The following ZBTB49 variants were observed in gnomAD, a reference collection of about 807,000 sequenced individuals.
The protein encoded by ZBTB49 is zinc finger and BTB domain-containing protein 49.
In ZBTB49, 43 loss-of-function variants were observed where a neutral mutation model predicts 57.5. That is an observed-to-expected ratio of 0.75 (90% CI 0.59 to 0.97). ZBTB49 has a LOEUF of 0.97. Among genes scored for constraint, ZBTB49 ranks in the 50% least tolerant of loss-of-function variants. ZBTB49 has a pLI of 0.00. For synonymous variants in ZBTB49, 369 were observed against 362.1 expected (o/e 1.02, Z -0.22); for missense variants, 938 against 947.7 (o/e 0.99, Z 0.13).
chr4:4,300,227 G>T, intron 2 of ZBTB49, 130 bp downstream of exon 2: 5 of 1,068,396 alleles, frequency 4.7e-6, no homozygotes, highest in Non-Finnish European at 2.6e-6. Flanking sequence ...GATTTTGTAG[G>T]AGTTGTTTTA....
At chr4:4,301,539 A>G (rs1440217308) in intron 2 of ZBTB49, among the ~76,000 whole-genome samples, 1 of 152,194 alleles carries the variant, frequency 6.6e-6, no homozygotes, top group African/African-American at 2.4e-5. Flanking sequence ...TTGTCAGACT[A>G]TGAAATAGTG....
chr4:4,301,969 GA>G lies in ZBTB49; in HGVS notation c.153-19del. 1 of 1,499,786 alleles carries G rather than the reference GA, an allele frequency of 6.7e-7. No homozygotes were observed. The highest frequency in any genetic ancestry group is 8.9e-7 in the Non-Finnish European group (1 of 1,125,782). The allele number at this position is 1,499,786 out of a possible 1,614,324, so 92.9% of individuals were successfully genotyped here. On this transcript the variant is annotated intron_variant, in intron 2 of 7. Coordinates refer to ENST00000337872, the MANE Select transcript of ZBTB49 (RefSeq NM_145291.4). ...GTGTGAATTTTTGGCACTGTAAACA[GA>G]TATTCTTTCTTTTACCAGGAGCCTC...
In ZBTB49 at chr4:4,302,258, C is replaced by T. The variant is rs778451759; in HGVS notation, c.422C>T (p.Thr141Ile). The T allele has an allele frequency of 6.2e-7, 1 of 1,614,226 alleles. No homozygotes were observed. Among genetic ancestry groups the T allele is most frequent in the South Asian group, 1.1e-5 (1 of 91,090 alleles). The change falls in exon 3 of 8, where the codon ACC becomes ATC. Residue 141 changes from threonine (T) to isoleucine (I), a missense_variant. Coordinates refer to ENST00000337872, the MANE Select transcript of ZBTB49 (RefSeq NM_145291.4). The part of the protein sequence containing the change: ...NSTLSLQSTL[T>I]PDATCVISEN... ...ACATTGTCTCTACAAAGCACCCTGA[C>T]CCCAGATGCCACTTGTGTTATCAGT...
intron 7 of ZBTB49, among the ~76,000 whole-genome samples, chr4:4,319,980 C>T (rs1721339847): frequency 6.6e-6 from 1 of 150,442 alleles, no homozygotes; most frequent in Non-Finnish European, 1.5e-5. Flanking sequence ...AGGAGAACCA[C>T]CTGAACCTCG....
At chr4:4,316,460 C>T (rs76372437) in intron 7 of ZBTB49, among the ~76,000 whole-genome samples, 3,222 of 152,214 alleles carry the variant, frequency 0.021, 56 homozygotes, top group Middle Eastern at 0.065. Context: ...CTGACTGCTC[C>T]GATGAGGACA....
chr4:4,320,575 G>T, intron 7 of ZBTB49, 65 bp from the exon 8 acceptor site: 2 of 1,586,334 alleles, frequency 1.3e-6, no homozygotes, highest in South Asian at 2.3e-5. Context: ...AGGAGTTCAC[G>T]ACCAGCCTGG....
Position 4,315,835 on chromosome 4 carries a change from G to C in ZBTB49, c.1486G>C (p.Glu496Gln). ...RGFSNFSNLK[E>Q]HKKTHTADKV... ...GTTTAGTAACTTCAGTAATTTGAAG[G>C]AGCACAAAAAGACACACACGGCTGA... Residue 496 changes from glutamate to glutamine, a missense_variant, in exon 7 of 8, where the codon GAG (glutamate) becomes CAG (glutamine). By Grantham distance (29) the Glu-to-Gln change is conservative (BLOSUM62 2). Around this residue, in one of 3 missense-constraint regions of ZBTB49, gnomAD observed 835 missense variants for 819.1 expected, o/e 1.02. Coordinates refer to ENST00000337872, the MANE Select transcript of ZBTB49 (RefSeq NM_145291.4). 6.2e-7 allele frequency: 1 copy of C among 1,614,198 alleles called. No individual in the cohort carries two copies. The highest frequency in any genetic ancestry group is 8.5e-7 in the Non-Finnish European group (1 of 1,180,042).
chr4:4,306,848 C>G (rs1434621253), intron 4 of ZBTB49, among the ~76,000 whole-genome samples: 4 of 152,222 alleles, frequency 2.6e-5, no homozygotes, highest in African/African-American at 9.6e-5. Context: ...AGAGGTAGAT[C>G]AGATGGAAGC....
At chr4:4,293,505 T>G (rs573831126) in intron 1 of ZBTB49, among the ~76,000 whole-genome samples, 4 of 152,364 alleles carry the variant, frequency 2.6e-5, no homozygotes, top group African/African-American at 9.6e-5. Context: ...ATTACTTACC[T>G]ATTTTTAGCT....
At chr4:4,312,130 GCTGGGTATATTAC>G (rs1440980066) in intron 4 of ZBTB49, among the ~76,000 whole-genome samples, 1 of 151,942 alleles carries the variant, frequency 6.6e-6, no homozygotes, top group Non-Finnish European at 1.5e-5. Flanking sequence ...CATTTTTACC[GCTGGGTATATTAC>G]CTCATTTCAG....
At position 4,313,121 on chromosome 4, in the gene ZBTB49, G is replaced by A; in HGVS notation, c.1376+7G>A. 3.1e-6 allele frequency: 5 copies of A among 1,614,094 alleles called. No individual in the cohort carries two copies. Among genetic ancestry groups the A allele is most frequent in the Non-Finnish European group, 4.2e-6 (5 of 1,180,004 alleles). On this transcript the variant is annotated splice_region_variant and intron_variant, in intron 5 of 7. Coordinates refer to ENST00000337872, the MANE Select transcript of ZBTB49 (RefSeq NM_145291.4). ...GCGAGATCTGTGGAAAGAGGTCAGT[G>A]CTGGGCGTGTTCTTCCGTGTGGAAG... is the stretch of plus-strand genomic sequence containing the variant.
intron 5 of ZBTB49, among the ~76,000 whole-genome samples, chr4:4,313,628 G>A (rs1338591491): frequency 6.6e-6 from 1 of 152,188 alleles, no homozygotes; most frequent in Admixed American, 6.5e-5. Context: ...AAGAGAATCT[G>A]ACTCTTGACG....
At chr4:4,311,412 T>C (rs1720975500) in intron 4 of ZBTB49, among the ~76,000 whole-genome samples, 1 of 152,192 alleles carries the variant, frequency 6.6e-6, no homozygotes, top group African/African-American at 2.4e-5. Flanking sequence ...AAAACACTGG[T>C]GTATTATTTT....
At chr4:4,291,000 A>G (rs1421316167) in intron 1 of ZBTB49, among the ~76,000 whole-genome samples, 1 of 152,176 alleles carries the variant, frequency 6.6e-6, no homozygotes, top group Non-Finnish European at 1.5e-5. Context: ...GGTGGTCACT[A>G]GGTGTTTGTT....
At position 4,305,328 on chromosome 4, in the gene ZBTB49, T is replaced by C. The variant is rs2980174; in HGVS notation, c.1256-810T>C. Among the ~76,000 whole-genome samples the C allele has an allele frequency of 3.5e-3, 532 of 152,280 alleles. 4 individuals carry two copies. Among genetic ancestry groups the C allele is most frequent in the African/African-American group, 0.012 (504 of 41,552 alleles). On this transcript the variant is annotated intron_variant, in intron 3 of 7. Coordinates refer to ENST00000337872, the MANE Select transcript of ZBTB49 (RefSeq NM_145291.4). ...GAAGGGAAAACATTATTGTTACTTT[T>C]TAAAGAAGATCTTAATGAAACCATT...
intron 4 of ZBTB49, among the ~76,000 whole-genome samples, chr4:4,309,528 A>G (rs1397213233): frequency 6.6e-6 from 1 of 152,228 alleles, no homozygotes; most frequent in Non-Finnish European, 1.5e-5. Context: ...GGAGAGGAGT[A>G]GGATTGCTTT....
At chr4:4,313,136 C>T (rs753069353) in intron 5 of ZBTB49, 22 bp downstream of exon 5, 2 of 1,613,482 alleles carry the variant, frequency 1.2e-6, no homozygotes, top group East Asian at 2.2e-5. Context: ...GCGTGTTCTT[C>T]CGTGTGGAAG....
chr4:4,302,237 T>G lies in ZBTB49; in HGVS notation c.401T>G (p.Leu134Trp), dbSNP rs1720509580. The change falls in exon 3 of 8, where the codon TTG becomes TGG. Residue 134 changes from leucine to tryptophan, a missense_variant. Leu to Trp is a moderately conservative substitution (Grantham distance 61). This residue lies in a region of ZBTB49 where 835 missense variants were observed against 819.1 expected (regional missense o/e 1.02). Transcript: ENST00000337872. ...QPPGMPCNST[L>W]SLQSTLTPDA... ...CCTGGCATGCCTTGTAATAGTACATTGTCTCTACAAAGCACCCTGACCCCA... is the reference window on the plus strand; with the variant it reads ...CCTGGCATGCCTTGTAATAGTACATGGTCTCTACAAAGCACCCTGACCCCA... 1 of 1,614,258 alleles carries G rather than the reference T, an allele frequency of 6.2e-7. No homozygotes were observed. Among genetic ancestry groups the G allele is most frequent in the East Asian group, 2.2e-5 (1 of 44,892 alleles).
rs748659926 is a variant in ZBTB49, at chr4:4,302,142, G to A, written c.306G>A (p.Gln102=). 2.5e-6 allele frequency: 4 copies of A among 1,614,226 alleles called. No homozygotes were observed. The Admixed American group carries it at 6.7e-5, about 27-fold the overall frequency. ...DNIQVMLDTA[Q]CLQVQNVLSL... ...TACAAGTAATGCTGGACACAGCACA[G>A]TGTTTGCAAGTTCAAAATGTTCTGA... Residue 102 remains glutamine, a synonymous_variant, in exon 3 of 8, where the codon CAG becomes CAA. Coordinates refer to ENST00000337872, the MANE Select transcript of ZBTB49 (RefSeq NM_145291.4).
Sources: gnomAD v4.1 joint callset for allele counts (sites outside exome capture counted in the v4.1 genomes callset) on GRCh38, gnomAD v4.1.1 for gene constraint, gnomAD v4.1.1 regional missense constraint, MANE v1.5 for transcripts, NCBI Gene and HGNC (gene_info 2026-07-23, HGNC 2026-07-21) for gene names.